Variants in DNAH12 observed in about 807,000 individuals in gnomAD.
DNAH12 encodes the protein dynein axonemal heavy chain 12.
In DNAH12, 285 loss-of-function variants were observed where a neutral mutation model predicts 371.5. That is an observed-to-expected ratio of 0.77 (90% CI 0.70 to 0.85). The LOEUF (loss-of-function observed/expected upper bound fraction) is 0.85. Among genes scored for constraint, DNAH12 ranks in the 40% least tolerant of loss-of-function variants. The pLI is 0.00. For synonymous variants in DNAH12, 1,200 were observed against 1,213.0 expected (o/e 0.99, Z 0.22); for missense variants, 3,611 against 3,689.4 (o/e 0.98, Z 0.55).
chr3:57,514,400 A>G lies in DNAH12; in HGVS notation c.280-3421T>C, dbSNP rs145770036. On this transcript the variant is annotated intron_variant, in intron 4 of 73. Transcript: ENST00000495027. ...CAGAGTAAGACTCTGTCTCAAAAAA[A>G]AAAAAAAGAAAAATAAATAAACAAA... 4.3e-3 allele frequency among the ~76,000 whole-genome samples: 647 copies of G among 152,088 alleles called. 7 individuals carry two copies. Among genetic ancestry groups the G allele is most frequent in the African/African-American group, 0.015 (626 of 41,500 alleles).
At chr3:57,317,337 C>G (rs1041659185) in intron 65 of DNAH12, among the ~76,000 whole-genome samples, 1 of 152,038 alleles carries the variant, frequency 6.6e-6, no homozygotes, top group Non-Finnish European at 1.5e-5. Context: ...ATTTATTCAC[C>G]TTGCATAATT....
chr3:57,542,863 T>A lies in DNAH12; in HGVS notation c.8A>T (p.Asp3Val). The change falls in exon 2 of 74, where the codon GAT becomes GTT. Residue 3 changes from aspartate (D) to valine (V), a missense_variant. Asp to Val is a radical substitution (Grantham distance 152, BLOSUM62 -3). Around this residue, in one of 3 missense-constraint regions of DNAH12, gnomAD observed 1,314 missense variants for 1,398.7 expected, o/e 0.94. Transcript: ENST00000495027. MS[D>V]ANKAAIAAEK... ...TGCTGCAATGGCAGCTTTGTTTGCA[T>A]CTGACATCTTGATCCCCTAAAGATT... is the stretch of plus-strand genomic sequence containing the variant. 1.3e-6 allele frequency: 2 copies of A among 1,587,986 alleles called. No homozygotes were observed. Among genetic ancestry groups the A allele is most frequent in the Non-Finnish European group, 1.7e-6 (2 of 1,171,456 alleles).
In DNAH12 at chr3:57,333,329, C is replaced by CTTTTTTTTTTTTTTTTTT. The variant is rs34135477; in HGVS notation, c.9978+1118_9978+1135dup. On this transcript the variant is annotated intron_variant, in intron 62 of 73. Coordinates refer to ENST00000495027, the MANE Select transcript of DNAH12 (RefSeq NM_001366028.2). The stretch of plus-strand genomic sequence containing the variant: ...CGGATACATGTTCTTTTTAAGGCAA[C>CTTTTTTTTTTTTTTTTTT]TTTTTTTTTTTTTTTTTTTTAGATG... Among the ~76,000 whole-genome samples, 57 of 111,068 alleles carry CTTTTTTTTTTTTTTTTTT rather than the reference C, an allele frequency of 5.1e-4. 5 individuals are homozygous for CTTTTTTTTTTTTTTTTTT. Among genetic ancestry groups the CTTTTTTTTTTTTTTTTTT allele is most frequent in the African/African-American group, 2.5e-3 (55 of 21,902 alleles). The allele number at this position is 111,068 out of a possible 152,430, so 72.9% of individuals were successfully genotyped here. A position where few individuals can be genotyped will look rare whatever the true frequency, so the allele number is the denominator to read the frequency against.
intron 25 of DNAH12, among the ~76,000 whole-genome samples, chr3:57,450,843 C>A (rs1275493120): frequency 2.6e-5 from 4 of 152,206 alleles, no homozygotes; most frequent in African/African-American, 9.6e-5. Context: ...CCAGCCATTG[C>A]ATTCATCCCC....
At position 57,472,658 on chromosome 3, in the gene DNAH12, T is replaced by C. The variant is rs1334352868; in HGVS notation, c.1664A>G (p.Gln555Arg). 1.3e-6 allele frequency: 2 copies of C among 1,550,264 alleles called. No individual in the cohort carries two copies. The highest frequency in any genetic ancestry group is 1.4e-5 in the African/African-American group (1 of 73,024). The change falls in exon 14 of 74, where the codon CAA becomes CGA. Residue 555 changes from glutamine (Q) to arginine (R), a missense_variant. Physicochemically the swap from Gln to Arg is conservative, Grantham distance 43 (BLOSUM62 1). Transcript: ENST00000495027. ...LILRIQESKR[Q>R]MSYFLDVFLF... ...GAAAACATCTAAAAAGTAACTCATT[T>C]GGCGTTTAGATTCCTACAAAAGAAA...
chr3:57,324,750 A>G (rs1354746345), intron 62 of DNAH12, among the ~76,000 whole-genome samples: 1 of 152,222 alleles, frequency 6.6e-6, no homozygotes, highest in Non-Finnish European at 1.5e-5. Flanking sequence ...ACCATGCACA[A>G]GCCGAAGCAG....
chr3:57,447,719 G>T (rs1228523209), intron 25 of DNAH12, among the ~76,000 whole-genome samples: 2 of 152,138 alleles, frequency 1.3e-5, no homozygotes, highest in African/African-American at 4.8e-5. Context: ...CTATTACCCA[G>T]GCTGGAGCAC....
chr3:57,483,600 A>T (rs2066826783), intron 12 of DNAH12, 89 bp from the exon 13 acceptor site: 2 of 1,328,646 alleles, frequency 1.5e-6, no homozygotes, highest in African/African-American at 3.4e-5. Context: ...ACTATAAAAT[A>T]AGAACTATGA....
intron 65 of DNAH12, among the ~76,000 whole-genome samples, chr3:57,317,990 T>G (rs2153283781): frequency 6.6e-6 from 1 of 152,330 alleles, no homozygotes; most frequent in African/African-American, 2.4e-5. Context: ...ATTCAAACCT[T>G]TAGCCCATTT....
chr3:57,434,761 T>C (rs2153366777), intron 30 of DNAH12, among the ~76,000 whole-genome samples: 1 of 152,242 alleles, frequency 6.6e-6, no homozygotes, highest in Admixed American at 6.5e-5. Context: ...GCTAATTACC[T>C]AAGGAAATGA....
intron 29 of DNAH12, among the ~76,000 whole-genome samples, chr3:57,439,161 T>C (rs1458924465): frequency 6.6e-6 from 1 of 152,094 alleles, no homozygotes; most frequent in Non-Finnish European, 1.5e-5. Context: ...ATGCTACTCC[T>C]ATCAAGCTAC....
chr3:57,418,754 T>C (rs184508157), intron 37 of DNAH12, among the ~76,000 whole-genome samples: 7 of 152,258 alleles, frequency 4.6e-5, no homozygotes, highest in Non-Finnish European at 7.4e-5. Flanking sequence ...ATCAAAAAAA[T>C]GACATTTATG....
At chr3:57,388,488 C>T (rs979780738) in intron 45 of DNAH12, among the ~76,000 whole-genome samples, 1 of 151,880 alleles carries the variant, frequency 6.6e-6, no homozygotes, top group African/African-American at 2.4e-5. Context: ...TAAGCACATA[C>T]TGCCAGTGTA....
chr3:57,316,794 G>A, intron 65 of DNAH12, among the ~76,000 whole-genome samples: 1 of 152,128 alleles, frequency 6.6e-6, no homozygotes, highest in Non-Finnish European at 1.5e-5. Flanking sequence ...CTGCTGCCTT[G>A]TGAAGAAGGT....
intron 59 of DNAH12, among the ~76,000 whole-genome samples, chr3:57,353,828 C>G (rs1255369460): frequency 2.1e-4 from 32 of 152,162 alleles, no homozygotes; most frequent in Admixed American, 2.0e-3. Flanking sequence ...CAATGGGATA[C>G]CATCTCACAC....
At chr3:57,362,115 T>G (rs939296919) in intron 58 of DNAH12, among the ~76,000 whole-genome samples, 5 of 152,054 alleles carry the variant, frequency 3.3e-5, no homozygotes, top group Non-Finnish European at 5.9e-5. Context: ...CATGCAGTGT[T>G]TGGTTTTCTG....
chr3:57,362,769 C>G (rs967984269), intron 58 of DNAH12, among the ~76,000 whole-genome samples: 1 of 152,086 alleles, frequency 6.6e-6, no homozygotes, highest in Non-Finnish European at 1.5e-5. Flanking sequence ...TGGATATTAG[C>G]CCTTTGCCAG....
chr3:57,400,272 C>G lies in DNAH12; in HGVS notation c.6948+3037G>C, dbSNP rs1271093883. 2.0e-5 allele frequency among the ~76,000 whole-genome samples: 3 copies of G among 151,918 alleles called. No homozygotes were observed. In the East Asian group the frequency reaches 5.8e-4, roughly 29 times the overall value. On this transcript the variant is annotated intron_variant, in intron 43 of 73. Transcript: ENST00000495027. ...CACTGCACTCCAGCCTGGGGCAGAG[C>G]GAGACTCTATCTAAAAAAAAAAATT...
chr3:57,519,830 A>G (rs751728422), intron 4 of DNAH12: 4 of 1,230,516 alleles, frequency 3.3e-6, no homozygotes, highest in Non-Finnish European at 4.8e-6. Context: ...CATCTGAGAC[A>G]GGCATCCATC....
Sources: gnomAD v4.1 joint callset for allele counts (sites outside exome capture counted in the v4.1 genomes callset) on GRCh38, gnomAD v4.1.1 for gene constraint, gnomAD v4.1.1 regional missense constraint, MANE v1.5 for transcripts, NCBI Gene and HGNC (gene_info 2026-07-23, HGNC 2026-07-21) for gene names.